Variants in F8 observed in about 807,000 individuals in gnomAD.
F8 encodes the protein antihemophilic factor.
F8 carries 12 observed loss-of-function variants against 140.6 expected under a neutral mutation model. That is an observed-to-expected ratio of 0.09 (90% CI 0.05 to 0.14). F8 has a LOEUF of 0.14. F8 is among the 10% of genes least tolerant of loss of function. The pLI, the probability that F8 is intolerant of heterozygous loss-of-function variation, is 1.00. For synonymous variants in F8, 585 were observed against 614.6 expected (o/e 0.95, Z 0.71); for missense variants, 1,354 against 1,720.7 (o/e 0.79, Z 3.77).
Position 154,969,408 on chromosome X carries a change from G to A in F8, c.932C>T (p.Thr311Ile), listed in dbSNP as rs1557282341. The part of the protein sequence containing the change: ...RQASLEISPI[T>I]FLTAQTLLMD... ...CAAGAGTGTTTGAGCAGTAAGGAAA[G>A]TTATTGGCGAGATTTCCAAGGACGC... Residue 311 changes from threonine (T) to isoleucine (I), a missense_variant, in exon 7 of 26, where the codon ACT becomes ATT. Transcript: ENST00000360256. 1 of 1,210,034 alleles carries A rather than the reference G, an allele frequency of 8.3e-7. No homozygotes were observed. The highest frequency in any genetic ancestry group is 1.1e-6 in the Non-Finnish European group (1 of 895,146).
intron 14 of F8, among the ~76,000 whole-genome samples, chrX:154,909,897 C>A (rs973789606): frequency 4.5e-5 from 5 of 112,320 alleles, no homozygotes; most frequent in African/African-American, 9.7e-5. Flanking sequence ...TTGAAACATA[C>A]AATAAATCAT....
intron 21 of F8, among the ~76,000 whole-genome samples, chrX:154,898,435 G>A (rs919577058): frequency 4.4e-5 from 5 of 112,372 alleles, no homozygotes; most frequent in African/African-American, 1.6e-4. Context: ...CAAGTGAACA[G>A]TGACAGTTAA....
chrX:154,846,694 G>A (rs2072568939), intron 25 of F8, among the ~76,000 whole-genome samples: 1 of 111,518 alleles, frequency 9.0e-6, no homozygotes, highest in African/African-American at 3.3e-5. Flanking sequence ...TGTGAGATGG[G>A]TCTCCTGAAT....
At chrX:155,014,145 A>G (rs1047151123) in intron 1 of F8, among the ~76,000 whole-genome samples, 2 of 112,027 alleles carry the variant, frequency 1.8e-5, no homozygotes, top group Non-Finnish European at 3.8e-5. Flanking sequence ...TAAAAAATCA[A>G]TCAAGGTAAT....
Position 154,836,830 on chromosome X carries a change from T to C in F8, c.*767A>G, listed in dbSNP as rs1374335824. 4 of 112,180 alleles carry C rather than the reference T, an allele frequency of 3.6e-5. No homozygotes were observed. The highest frequency in any genetic ancestry group is 5.6e-5 in the Non-Finnish European group (3 of 53,264). 9.2% of individuals were successfully genotyped at this position (112,180 alleles called of 1,213,427 possible). The stretch of plus-strand genomic sequence containing the variant: ...GACTTATTTTTTTATTGGTCAGAAT[T>C]AAGACCAAATGGCTTTATATCTATG... On this transcript the variant is annotated 3_prime_UTR_variant, in exon 26 of 26. Coordinates refer to ENST00000360256, the MANE Select transcript of F8 (RefSeq NM_000132.4).
At chrX:154,849,139 A>G (rs1464453252) in intron 25 of F8, among the ~76,000 whole-genome samples, 2 of 109,756 alleles carry the variant, frequency 1.8e-5, no homozygotes, top group Non-Finnish European at 3.8e-5. Flanking sequence ...ACACCCGGCT[A>G]ATTTTTGTAT....
At chrX:154,981,333 T>C (rs1329396961) in intron 6 of F8, among the ~76,000 whole-genome samples, 1 of 110,094 alleles carries the variant, frequency 9.1e-6, no homozygotes, top group Non-Finnish European at 1.9e-5. Flanking sequence ...GATGTTTCTG[T>C]GAGGAGATTA....
At chrX:154,905,597 C>A (rs1435762817) in intron 15 of F8, among the ~76,000 whole-genome samples, 3 of 111,185 alleles carry the variant, frequency 2.7e-5, no homozygotes, top group African/African-American at 9.8e-5. Flanking sequence ...TTGGTTCACA[C>A]AATGCACCAA....
At chrX:154,876,410 T>C (rs1383029773) in intron 22 of F8, among the ~76,000 whole-genome samples, 4 of 111,553 alleles carry the variant, frequency 3.6e-5, no homozygotes, top group East Asian at 2.8e-4. Context: ...TAAGCCACCG[T>C]GCCCGGCTGG....
chrX:154,861,967 A>G, intron 23 of F8, 101 bp from the exon 24 acceptor site: 1 of 898,490 alleles, frequency 1.1e-6, no homozygotes, highest in Non-Finnish European at 1.6e-6. Context: ...TCATCATAAT[A>G]TCATTTCTCA....
In F8 at chrX:154,921,946, C is replaced by T. The variant is rs185665230; in HGVS notation, c.5219+6625G>A. 2.6e-3 allele frequency among the ~76,000 whole-genome samples: 292 copies of T among 110,745 alleles called. 4 individuals carry two copies. Among genetic ancestry groups the T allele is most frequent in the Admixed American group, 0.024 (251 of 10,454 alleles). ...CTAATGTAAATGATGAGTTAATGGG[C>T]GCAGCACACCAACATGGCACATGTA... On this transcript the variant is annotated intron_variant, in intron 14 of 25. Transcript: ENST00000360256.
chrX:154,942,340 C>T (rs1238684335), intron 13 of F8, among the ~76,000 whole-genome samples: 1 of 109,845 alleles, frequency 9.1e-6, no homozygotes, highest in African/African-American at 3.3e-5. Flanking sequence ...GGGATATCAC[C>T]ACCAATCCCA....
rs782354569 is a variant in F8 at position 154,894,147 on chromosome X, T to A, written c.6429+1930A>T. Among the ~76,000 whole-genome samples the A allele has an allele frequency of 1.4e-4, 16 of 112,321 alleles. No individual in the cohort carries two copies. In the South Asian group the frequency reaches 2.2e-3, roughly 16 times the overall value. On this transcript the variant is annotated intron_variant, in intron 22 of 25. Coordinates refer to ENST00000360256, the MANE Select transcript of F8 (RefSeq NM_000132.4). ...TTTCTGGACCAAATCAGTGTATTTC[T>A]TAAATGTATTTGATTGATGTCTCAA...
At chrX:154,945,134 C>G (rs782663256) in intron 13 of F8, among the ~76,000 whole-genome samples, 1 of 110,242 alleles carries the variant, frequency 9.1e-6, no homozygotes, top group Non-Finnish European at 1.9e-5. Context: ...CTAACCTGCA[C>G]ATTGTGCACA....
rs181524052 is a variant in F8 at position 154,910,388 on chromosome X, A to G, written c.5220-3815T>C. ...TTGAACAATGAGAACACTTGGACAC[A>G]GGAGGGGGAACATCACACACCGGGG... On this transcript the variant is annotated intron_variant, in intron 14 of 25. Transcript: ENST00000360256. Among the ~76,000 whole-genome samples, 363 of 94,783 alleles carry G rather than the reference A, an allele frequency of 3.8e-3. 2 individuals are homozygous for G. The East Asian group carries it at 0.049, about 13-fold the overall frequency. The allele number at this position is 94,783 out of a possible 115,157, so 82.3% of individuals were successfully genotyped here.
intron 14 of F8, among the ~76,000 whole-genome samples, chrX:154,908,005 G>C (rs1210390264): frequency 6.3e-5 from 7 of 110,383 alleles, no homozygotes; most frequent in Admixed American, 9.6e-5. Flanking sequence ...AGGGCTTTTT[G>C]TATCTTGATG....
chrX:154,982,135 G>T (rs1557283691), intron 6 of F8, among the ~76,000 whole-genome samples: 5 of 108,926 alleles, frequency 4.6e-5, no homozygotes, highest in Non-Finnish European at 1.9e-5. Context: ...AGTGAGCTCA[G>T]ATTGTGCCAC....
At chrX:154,915,360 G>GA (rs1221150405) in intron 14 of F8, among the ~76,000 whole-genome samples, 1 of 111,905 alleles carries the variant, frequency 8.9e-6, no homozygotes, top group Non-Finnish European at 1.9e-5. Flanking sequence ...CTATTTCTGT[G>GA]AAAAATGTTA....
chrX:154,906,604 A>G (rs1557276386), intron 14 of F8, 31 bp from the exon 15 acceptor site: 1 of 1,194,107 alleles, frequency 8.4e-7, no homozygotes, highest in African/African-American at 1.7e-5. Flanking sequence ...AAAAGCAATA[A>G]TTTTATGTAC....
Sources: gnomAD v4.1 joint callset for allele counts (sites outside exome capture counted in the v4.1 genomes callset) on GRCh38, gnomAD v4.1.1 for gene constraint, MANE v1.5 for transcripts, NCBI Gene and HGNC (gene_info 2026-07-23, HGNC 2026-07-21) for gene names.